JADE1: variants seen among roughly 807,000 people sequenced by gnomAD.
JADE1 encodes the protein protein Jade-1.
JADE1 carries 14 observed loss-of-function variants against 81.8 expected under a neutral mutation model. The ratio of observed to expected loss-of-function variants is 0.17; its 90% CI spans 0.11 to 0.27. JADE1 has a LOEUF of 0.27. JADE1 is among the 10% of genes least tolerant of loss of function. The pLI, the probability that JADE1 is intolerant of heterozygous loss-of-function variation, is 1.00. For synonymous variants in JADE1, 353 were observed against 391.9 expected, an observed-to-expected ratio of 0.90 and a Z score of 1.17; for missense variants, 690 against 1,047.9, an observed-to-expected ratio of 0.66 and a Z score of 4.71.
intron 4 of JADE1, among the ~76,000 whole-genome samples, chr4:128,848,288 C>T (rs1264895316): frequency 6.6e-6 from 1 of 152,172 alleles, no homozygotes; most frequent in Non-Finnish European, 1.5e-5. Flanking sequence ...AAGCAATTCT[C>T]CTGCCCCAGC....
intron 2 of JADE1, among the ~76,000 whole-genome samples, chr4:128,835,749 G>C (rs72683610): frequency 6.6e-6 from 1 of 152,194 alleles, no homozygotes; most frequent in Non-Finnish European, 1.5e-5. Context: ...AGCTGCAGAC[G>C]TCAGCATGGG....
chr4:128,853,901 C>T (rs949154622), intron 6 of JADE1, among the ~76,000 whole-genome samples: 1 of 152,172 alleles, frequency 6.6e-6, no homozygotes, highest in African/African-American at 2.4e-5. Context: ...CTTCAGTCAT[C>T]GCCGTCTGTT....
At position 128,873,278 on chromosome 4, in the gene JADE1, A is replaced by AAAAAAAAAAAAAAAAAAAAAC. The variant is rs1732337334; in HGVS notation, c.*1018_*1019insAAAAAAAAAAAAAAAAAACAA. 1 of 150,478 alleles carries AAAAAAAAAAAAAAAAAAAAAC rather than the reference A, an allele frequency of 6.6e-6. No individual in the cohort carries two copies. Among genetic ancestry groups the AAAAAAAAAAAAAAAAAAAAAC allele is most frequent in the Admixed American group, 6.6e-5 (1 of 15,110 alleles). 9.3% of individuals were successfully genotyped at this position (150,478 alleles called of 1,614,324 possible). A position where few individuals can be genotyped will look rare whatever the true frequency, so the allele number is the denominator to read the frequency against. ...AAGGAAAAAAAAAAAAAAAAGAAAA[A>AAAAAAAAAAAAAAAAAAAAAC]AAGAAAAAAAAAAGAAAAAAGAAAA... On this transcript the variant is annotated 3_prime_UTR_variant, in exon 11 of 11. Transcript: ENST00000226319.
At chr4:128,821,451 A>C (rs935827964) in intron 1 of JADE1, among the ~76,000 whole-genome samples, 4 of 151,138 alleles carry the variant, frequency 2.6e-5, no homozygotes, top group Non-Finnish European at 5.9e-5. Flanking sequence ...TTTCCAAAGT[A>C]GTACTACTGT....
intron 1 of JADE1, among the ~76,000 whole-genome samples, chr4:128,818,886 C>G (rs1727294909): frequency 6.6e-6 from 1 of 152,108 alleles, no homozygotes; most frequent in South Asian, 2.1e-4. Context: ...GGGTCTCACC[C>G]TGTTGTCCAG....
At chr4:128,814,734 T>C (rs993117959) in intron 1 of JADE1, among the ~76,000 whole-genome samples, 1 of 151,914 alleles carries the variant, frequency 6.6e-6, no homozygotes, top group African/African-American at 2.4e-5. Context: ...GCTAATTTTT[T>C]GTATTTTTAG....
intron 9 of JADE1, chr4:128,862,894 C>CTG (rs3069699): frequency 0.064 from 60,524 of 950,340 alleles, 788 homozygotes; most frequent in East Asian, 0.18. Flanking sequence ...ATCACTGAGG[C>CTG]TGTGTGTGTG....
rs936023069 is a variant in JADE1, at chr4:128,809,752, G to T, written c.-152G>T. 1 of 152,148 alleles carries T rather than the reference G, an allele frequency of 6.6e-6. No individual in the cohort carries two copies. Among genetic ancestry groups the T allele is most frequent in the African/African-American group, 2.4e-5 (1 of 41,426 alleles). 9.4% of individuals were successfully genotyped at this position (152,148 alleles called of 1,614,324 possible). A position where few individuals can be genotyped will look rare whatever the true frequency, so the allele number is the denominator to read the frequency against. ...AGAGTGCCTCCGTGCGCGAGTGCCC[G>T]GTGTGTGCGCGCCGGCGAGAGCAGG... On this transcript the variant is annotated 5_prime_UTR_variant, in exon 1 of 11. Transcript: ENST00000226319.
intron 1 of JADE1, among the ~76,000 whole-genome samples, chr4:128,826,599 G>C (rs943961094): frequency 6.6e-6 from 1 of 151,150 alleles, no homozygotes; most frequent in Admixed American, 6.6e-5. Flanking sequence ...CGAACTCCAG[G>C]CTTCACATAG....
intron 8 of JADE1, among the ~76,000 whole-genome samples, chr4:128,860,121 C>T (rs1482786088): frequency 1.3e-5 from 2 of 152,150 alleles, no homozygotes; most frequent in African/African-American, 4.8e-5. Flanking sequence ...TCATCTGTTC[C>T]CACTTTTACT....
intron 1 of JADE1, among the ~76,000 whole-genome samples, chr4:128,821,425 T>C (rs941141192): frequency 6.6e-6 from 1 of 152,148 alleles, no homozygotes; most frequent in Non-Finnish European, 1.5e-5. Context: ...CTCTTGAACA[T>C]AGCCTTTTTA....
intron 4 of JADE1, among the ~76,000 whole-genome samples, chr4:128,847,570 T>C (rs1470890490): frequency 2.6e-5 from 4 of 152,190 alleles, no homozygotes; most frequent in Non-Finnish European, 4.4e-5. Context: ...CCTCAGAGCC[T>C]GTGTCTGAGA....
chr4:128,850,124 T>A (rs905663846), intron 5 of JADE1, among the ~76,000 whole-genome samples: 1 of 151,738 alleles, frequency 6.6e-6, no homozygotes, highest in Non-Finnish European at 1.5e-5. Context: ...TGAAACCCCG[T>A]CTCTACTAAA....
At chr4:128,822,723 A>G (rs960411537) in intron 1 of JADE1, among the ~76,000 whole-genome samples, 18 of 144,370 alleles carry the variant, frequency 1.2e-4, no homozygotes, top group African/African-American at 4.8e-4. Flanking sequence ...CCGTCTCAAG[A>G]AAAAAAAAAA....
chr4:128,865,670 C>T (rs868174174), intron 9 of JADE1, among the ~76,000 whole-genome samples: 4 of 152,172 alleles, frequency 2.6e-5, no homozygotes, highest in South Asian at 2.1e-4. Context: ...TGATTTGTTC[C>T]GATTGAAAAC....
intron 8 of JADE1, among the ~76,000 whole-genome samples, chr4:128,859,443 GTA>G (rs1021156003): frequency 6.0e-4 from 92 of 152,254 alleles, no homozygotes; most frequent in Non-Finnish European, 5.6e-4. Context: ...ATGCATGTGT[GTA>G]TGCGCGTGAG....
In JADE1 at chr4:128,866,141, A is replaced by C. The variant is rs569544212; in HGVS notation, c.1504-1715A>C. ...CATTCCCAAGTTGGTGAGAATTTCT[A>C]TAAAGGACACCTGCTTCTTGGATTG... On this transcript the variant is annotated intron_variant, in intron 9 of 10. Coordinates refer to ENST00000226319, the MANE Select transcript of JADE1 (RefSeq NM_199320.4). 3.3e-5 allele frequency among the ~76,000 whole-genome samples: 5 copies of C among 152,242 alleles called. No individual in the cohort carries two copies. In the South Asian group the frequency reaches 8.3e-4, roughly 25 times the overall value.
At chr4:128,826,966 T>C (rs1283352918) in intron 1 of JADE1, among the ~76,000 whole-genome samples, 1 of 152,230 alleles carries the variant, frequency 6.6e-6, no homozygotes, top group Non-Finnish European at 1.5e-5. Flanking sequence ...GGAAAATTCT[T>C]CACCTGGGTA....
At chr4:128,839,114 A>T (rs1729219528) in intron 2 of JADE1, among the ~76,000 whole-genome samples, 1 of 152,240 alleles carries the variant, frequency 6.6e-6, no homozygotes, top group Admixed American at 6.5e-5. Flanking sequence ...CTTTTCAAAG[A>T]AATATTGAGA....
Sources: allele counts gnomAD v4.1 joint callset (sites outside exome capture counted in the v4.1 genomes callset), GRCh38; gene constraint gnomAD v4.1.1; transcripts MANE v1.5; gene names NCBI Gene and HGNC (gene_info 2026-07-23, HGNC 2026-07-21).